Variants in UGT1A8 observed in about 807,000 individuals in gnomAD.
The protein encoded by UGT1A8 is UDP-glucuronosyltransferase 1A8.
In UGT1A8, 39 loss-of-function variants were observed where a neutral mutation model predicts 45.3. That is an observed-to-expected ratio of 0.86 (90% CI 0.67 to 1.12). The LOEUF (loss-of-function observed/expected upper bound fraction) is 1.12. Among genes scored for constraint, UGT1A8 ranks in the 50% most tolerant of loss-of-function variants. The pLI, the probability that UGT1A8 is intolerant of heterozygous loss-of-function variation, is 0.00. For synonymous variants in UGT1A8, 275 were observed against 249.2 expected, an observed-to-expected ratio of 1.10 and a Z score of -0.97; for missense variants, 719 against 664.9, an observed-to-expected ratio of 1.08 and a Z score of -0.90.
At chr2:233,642,877 T>A (rs1231716156) in intron 1 of UGT1A8, among the ~76,000 whole-genome samples, 1 of 152,146 alleles carries the variant, frequency 6.6e-6, no homozygotes, top group Non-Finnish European at 1.5e-5. Flanking sequence ...AGAGTCTCTC[T>A]CTCTCTCTCA....
At chr2:233,719,157 A>G (rs757422133) in intron 1 of UGT1A8, 8 of 1,614,264 alleles carry the variant, frequency 5.0e-6, no homozygotes, top group Admixed American at 1.7e-5. Flanking sequence ...ATATTCTAGA[A>G]GTATGGCAAT....
rs1187598495 is a variant in UGT1A8, at chr2:233,617,922, GCA to G, written c.218_219del (p.Thr73SerfsTer45). On this transcript the variant is annotated frameshift_variant, in exon 1 of 5. Coordinates refer to ENST00000373450, the MANE Select transcript of UGT1A8 (RefSeq NM_019076.5). LOFTEE classifies it high-confidence loss of function. ...TGGCAACTGGGAAAATCACTGAATT[GCA>G]CAGTGAAGACTTACTCAACCTCATA... 13 of 1,614,150 alleles carry G rather than the reference GCA, an allele frequency of 8.1e-6. No individual in the cohort carries two copies. Among genetic ancestry groups the G allele is most frequent in the Non-Finnish European group, 9.3e-6 (11 of 1,180,018 alleles).
chr2:233,741,159 G>T (rs1330355973), intron 1 of UGT1A8, among the ~76,000 whole-genome samples: 1 of 151,856 alleles, frequency 6.6e-6, no homozygotes, highest in Non-Finnish European at 1.5e-5. Flanking sequence ...CACTAATCCA[G>T]GATATATCAA....
chr2:233,674,984 T>C (rs1306114636), intron 1 of UGT1A8, among the ~76,000 whole-genome samples: 1 of 152,226 alleles, frequency 6.6e-6, no homozygotes, highest in Non-Finnish European at 1.5e-5. Context: ...CTGTGTCTTA[T>C]CTGTCTGATG....
At chr2:233,729,001 C>T in intron 1 of UGT1A8, 3 of 1,564,662 alleles carry the variant, frequency 1.9e-6, no homozygotes, top group Non-Finnish European at 2.6e-6. Flanking sequence ...TAGAGGAGGG[C>T]ACTCTGTCTT....
In UGT1A8 at chr2:233,772,290, A is replaced by G; in HGVS notation, c.1324A>G (p.Ser442Gly). The part of the protein sequence containing the change: ...SYKENIMRLS[S>G]LHKDRPVEPL... Reference sequence around the variant, plus strand: ...CAAGGAGAACATCATGCGCCTCTCCAGCCTTCACAAGGACCGCCCGGTGGA... The same window carrying G: ...CAAGGAGAACATCATGCGCCTCTCCGGCCTTCACAAGGACCGCCCGGTGGA... The change falls in exon 5 of 5, where the codon AGC (serine) becomes GGC (glycine). Residue 442 changes from serine (S) to glycine (G), a missense_variant. Ser to Gly is a moderately conservative substitution (Grantham distance 56). Coordinates refer to ENST00000373450, the MANE Select transcript of UGT1A8 (RefSeq NM_019076.5). The G allele has an allele frequency of 6.2e-7, 1 of 1,614,260 alleles. No individual in the cohort carries two copies. Among genetic ancestry groups the G allele is most frequent in the Non-Finnish European group, 8.5e-7 (1 of 1,180,044 alleles).
At chr2:233,637,608 A>G (rs1162799194) in intron 1 of UGT1A8, among the ~76,000 whole-genome samples, 3 of 152,350 alleles carry the variant, frequency 2.0e-5, no homozygotes, top group East Asian at 1.9e-4. Flanking sequence ...TATTCAGGCT[A>G]CATTTTAAAA....
At chr2:233,770,541 C>T (rs745905860) in intron 4 of UGT1A8, 1 of 151,870 alleles carries the variant, frequency 6.6e-6, no homozygotes, top group Non-Finnish European at 1.5e-5. Flanking sequence ...GCCTGTAATC[C>T]CAGCTATTTG....
At chr2:233,693,579 T>C (rs1240485987) in intron 1 of UGT1A8, 2 of 1,614,224 alleles carry the variant, frequency 1.2e-6, no homozygotes. Context: ...GTGTCCTACA[T>C]TCCCAGGTGC....
intron 1 of UGT1A8, among the ~76,000 whole-genome samples, chr2:233,688,920 G>A (rs4485562): frequency 0.18 from 27,714 of 152,108 alleles, 2,753 homozygotes; most frequent in Non-Finnish European, 0.23. Flanking sequence ...GTGCCAAGCA[G>A]GGAAGATGGC....
chr2:233,697,616 G>A (rs1238627433), intron 1 of UGT1A8, among the ~76,000 whole-genome samples: 1 of 149,658 alleles, frequency 6.7e-6, no homozygotes, highest in African/African-American at 2.5e-5. Context: ...TACAAAGTTT[G>A]AGTTTGGTTT....
intron 1 of UGT1A8, among the ~76,000 whole-genome samples, chr2:233,746,400 G>T (rs1245323229): frequency 6.6e-6 from 1 of 151,734 alleles, no homozygotes. Context: ...GGAGCTGGGA[G>T]TGTGTCCAAT....
intron 1 of UGT1A8, among the ~76,000 whole-genome samples, chr2:233,751,045 G>GA (rs1443230816): frequency 1.3e-5 from 2 of 152,004 alleles, no homozygotes; most frequent in East Asian, 3.9e-4. Flanking sequence ...TGTGTGCCTG[G>GA]AAAAGACACA....
At chr2:233,694,816 T>C (rs1479520532) in intron 1 of UGT1A8, among the ~76,000 whole-genome samples, 1 of 152,198 alleles carries the variant, frequency 6.6e-6, no homozygotes, top group Non-Finnish European at 1.5e-5. Context: ...TTCTGGGGCA[T>C]GAAATAAAAA....
At chr2:233,718,701 G>A in intron 1 of UGT1A8, 1 of 1,599,658 alleles carries the variant, frequency 6.3e-7, no homozygotes, top group Non-Finnish European at 8.5e-7. Context: ...AGGGCACTTT[G>A]TCTTCCAATT....
intron 1 of UGT1A8, chr2:233,682,195 G>A (rs780825518): frequency 8.7e-6 from 14 of 1,614,214 alleles, no homozygotes; most frequent in Non-Finnish European, 1.2e-5. Context: ...TGGAGGATCA[G>A]GACCGGGAGT....
intron 1 of UGT1A8, chr2:233,761,266 C>T: frequency 1.3e-6 from 2 of 1,594,552 alleles, no homozygotes; most frequent in South Asian, 1.1e-5. Context: ...ATTTAAAATG[C>T]CCTCTTTTGT....
chr2:233,743,215 C>T (rs1225035803), intron 1 of UGT1A8: 38 of 407,424 alleles, frequency 9.3e-5, no homozygotes, highest in Non-Finnish European at 1.6e-4. Context: ...GGAGTAACTG[C>T]TCTTTGCTAT....
chr2:233,684,850 G>A lies in UGT1A8; in HGVS notation c.855+66288G>A, dbSNP rs541497962. ...TAGAAAAATTTATGGACACTGTATA[G>A]TGTTCCTTTCTTGTTTCATATGGGC... is the stretch of plus-strand genomic sequence containing the variant. On this transcript the variant is annotated intron_variant, in intron 1 of 4. Coordinates refer to ENST00000373450, the MANE Select transcript of UGT1A8 (RefSeq NM_019076.5). Among the ~76,000 whole-genome samples the A allele has an allele frequency of 8.5e-5, 13 of 152,312 alleles. No homozygotes were observed. The South Asian group carries it at 1.9e-3, about 22-fold the overall frequency.
Sources: gnomAD v4.1 joint callset for allele counts (sites outside exome capture counted in the v4.1 genomes callset) on GRCh38, gnomAD v4.1.1 for gene constraint, MANE v1.5 for transcripts, NCBI Gene and HGNC (gene_info 2026-07-23, HGNC 2026-07-21) for gene names.